The following SYN3 variants were observed in gnomAD, a reference collection of about 807,000 sequenced individuals.
The protein encoded by SYN3 is synapsin III, also known as synapsin-3.
A neutral mutation model predicts 65.8 loss-of-function variants in SYN3; 35 were observed. That is an observed-to-expected ratio of 0.53 (90% CI 0.41 to 0.70). SYN3 has a LOEUF of 0.70. Among genes scored for constraint, SYN3 ranks in the 30% least tolerant of loss-of-function variants. The pLI is 0.00. For synonymous variants in SYN3, 270 were observed against 292.9 expected (o/e 0.92, Z 0.80); for missense variants, 680 against 749.0 (o/e 0.91, Z 1.08).
At chr22:32,846,680 AG>A (rs1201074398) in intron 6 of SYN3, among the ~76,000 whole-genome samples, 3 of 152,234 alleles carry the variant, frequency 2.0e-5, no homozygotes, top group Non-Finnish European at 4.4e-5. Context: ...CTCAGGCTCC[AG>A]AGACCAGGCT....
At chr22:32,821,621 G>A (rs138735741) in intron 6 of SYN3, among the ~76,000 whole-genome samples, 23 of 152,334 alleles carry the variant, frequency 1.5e-4, no homozygotes, top group African/African-American at 4.3e-4. Context: ...AAGGCAAATC[G>A]GATGGAAGAG....
intron 13 of SYN3, among the ~76,000 whole-genome samples, chr22:32,515,102 GAAC>G (rs2057750396): frequency 6.6e-6 from 1 of 152,116 alleles, no homozygotes; most frequent in Non-Finnish European, 1.5e-5. Context: ...GTCTTATCTA[GAAC>G]AAGGCACAGA....
intron 10 of SYN3, among the ~76,000 whole-genome samples, chr22:32,529,311 C>T (rs939190184): frequency 6.6e-6 from 1 of 152,162 alleles, no homozygotes; most frequent in Non-Finnish European, 1.5e-5. Context: ...AGCCGCTCTC[C>T]GCCCCCTCCT....
chr22:32,727,222 C>T (rs1055518330), intron 6 of SYN3, among the ~76,000 whole-genome samples: 12 of 152,098 alleles, frequency 7.9e-5, no homozygotes, highest in African/African-American at 2.4e-4. Context: ...CCCACTTATA[C>T]GTGAGAACAT....
intron 1 of SYN3, among the ~76,000 whole-genome samples, chr22:33,020,184 G>T (rs1405705108): frequency 6.6e-6 from 1 of 152,212 alleles, no homozygotes; most frequent in Non-Finnish European, 1.5e-5. Flanking sequence ...CAGAGGAGAA[G>T]TATTCAGTTG....
At chr22:32,781,180 G>T (rs2046054308) in intron 6 of SYN3, among the ~76,000 whole-genome samples, 1 of 151,592 alleles carries the variant, frequency 6.6e-6, no homozygotes, top group African/African-American at 2.4e-5. Context: ...GACCTGCAAG[G>T]CTCAATAGCT....
At chr22:33,016,436 A>T (rs1306419170) in intron 1 of SYN3, among the ~76,000 whole-genome samples, 1 of 152,218 alleles carries the variant, frequency 6.6e-6, no homozygotes, top group Non-Finnish European at 1.5e-5. Context: ...CCTGTTGTGT[A>T]TCAATTAGCT....
At chr22:32,906,821 T>C (rs1243904621) in intron 4 of SYN3, among the ~76,000 whole-genome samples, 3 of 152,202 alleles carry the variant, frequency 2.0e-5, no homozygotes, top group African/African-American at 7.2e-5. Flanking sequence ...TCCATGTCCC[T>C]ACAAAGGACA....
At chr22:32,825,958 C>T (rs1040985767) in intron 6 of SYN3, among the ~76,000 whole-genome samples, 10 of 152,028 alleles carry the variant, frequency 6.6e-5, no homozygotes, top group Non-Finnish European at 4.4e-5. Context: ...GGGACGTATC[C>T]ACAAGTTTAT....
chr22:32,684,645 T>C (rs1257259386), intron 6 of SYN3, among the ~76,000 whole-genome samples: 3 of 152,216 alleles, frequency 2.0e-5, no homozygotes, highest in Non-Finnish European at 4.4e-5. Flanking sequence ...CTTGCTGAAC[T>C]CTGAGCCCTC....
At chr22:32,741,924 C>A (rs979224799) in intron 6 of SYN3, among the ~76,000 whole-genome samples, 3 of 152,076 alleles carry the variant, frequency 2.0e-5, no homozygotes, top group African/African-American at 7.3e-5. Flanking sequence ...GTTATTTGAC[C>A]CAAGTATTTA....
At chr22:32,804,392 A>G (rs999458154) in intron 6 of SYN3, among the ~76,000 whole-genome samples, 1 of 152,152 alleles carries the variant, frequency 6.6e-6, no homozygotes, top group Non-Finnish European at 1.5e-5. Flanking sequence ...GAAACTGTCT[A>G]TTCTCGCCCT....
chr22:32,801,164 T>C lies in SYN3; in HGVS notation c.711+63751A>G, dbSNP rs1205424695. Among the ~76,000 whole-genome samples, 1 of 152,042 alleles carries C rather than the reference T, an allele frequency of 6.6e-6. No individual in the cohort carries two copies. The highest frequency in any genetic ancestry group is 2.4e-5 in the African/African-American group (1 of 41,412). On this transcript the variant is annotated intron_variant, in intron 6 of 13. Transcript: ENST00000358763. The surrounding 1 kb of genome is among the most constrained non-coding windows in gnomAD (Gnocchi z 4.7). ...AGATGGCTTCCCATATCCCAGAGAG[T>C]AAGAACCAGAGAGAGAGAGAAAGAG...
rs1214094762 is a variant in SYN3 at position 32,973,967 on chromosome 22, TTAG to T, written c.369+6675_369+6677del. Among the ~76,000 whole-genome samples, 6 of 152,194 alleles carry T rather than the reference TTAG, an allele frequency of 3.9e-5. No homozygotes were observed. The East Asian group carries it at 1.2e-3, about 29-fold the overall frequency. On this transcript the variant is annotated intron_variant, in intron 3 of 13. Transcript: ENST00000358763. Reference sequence around the variant, plus strand: ...CCACGCCTGGCTGATTTTTGTATTTTTAGTAGAAACAGGGTTTCGCCATGTTGG... The same window carrying T: ...CCACGCCTGGCTGATTTTTGTATTTTTAGAAACAGGGTTTCGCCATGTTGG...
chr22:32,541,648 G>A lies in SYN3; in HGVS notation c.840C>T (p.Tyr280=), dbSNP rs148217218. Residue 280 remains tyrosine (Y), a synonymous_variant, in exon 8 of 14, where the codon TAC becomes TAT. Transcript: ENST00000358763. The part of the protein sequence containing the change: ...ITSVVAMAKT[Y]ATTEAFIDSK... Reference sequence around the variant, plus strand: ...AGTCGATGAAGGCCTCGGTGGTGGCGTAGGTTTTGGCCATGGCGACCACGC... The same window carrying A: ...AGTCGATGAAGGCCTCGGTGGTGGCATAGGTTTTGGCCATGGCGACCACGC... The A allele has an allele frequency of 9.9e-6, 16 of 1,613,758 alleles. No individual in the cohort carries two copies. The East Asian group carries it at 1.1e-4, about 11-fold the overall frequency.
At chr22:32,973,424 A>C (rs1483270797) in intron 3 of SYN3, among the ~76,000 whole-genome samples, 1 of 150,896 alleles carries the variant, frequency 6.6e-6, no homozygotes, top group African/African-American at 2.5e-5. Flanking sequence ...TACCCCCGCC[A>C]AAAAAGAAAA....
At chr22:32,797,204 T>C (rs1230227553) in intron 6 of SYN3, among the ~76,000 whole-genome samples, 1 of 152,136 alleles carries the variant, frequency 6.6e-6, no homozygotes, top group East Asian at 1.9e-4. Context: ...CTCCGTGAAC[T>C]CTCCAAGGAG....
chr22:32,516,346 G>GATTGATTTATTTATTTATTTATTT (rs779603620), intron 13 of SYN3, among the ~76,000 whole-genome samples: 1 of 149,842 alleles, frequency 6.7e-6, no homozygotes, highest in Admixed American at 6.6e-5. Flanking sequence ...ATACATCTTT[G>GATTGATTTATTTATTTATTTATTT]ATTTATTTAT....
intron 4 of SYN3, among the ~76,000 whole-genome samples, chr22:32,917,950 G>T (rs568972656): frequency 6.6e-6 from 1 of 152,210 alleles, no homozygotes; most frequent in African/African-American, 2.4e-5. Context: ...GAAGAGATTA[G>T]ATGGGGGCTT....
Sources: gnomAD v4.1 joint callset for allele counts (sites outside exome capture counted in the v4.1 genomes callset) on GRCh38, gnomAD v4.1.1 for gene constraint, Gnocchi (gnomAD v3.1) non-coding constraint, MANE v1.5 for transcripts, NCBI Gene and HGNC (gene_info 2026-07-23, HGNC 2026-07-21) for gene names.